The following FRZB variants were observed in gnomAD, a reference collection of about 807,000 sequenced individuals.
FRZB encodes the protein secreted frizzled-related protein 3.
Under a neutral mutation model 32.5 loss-of-function variants are expected in FRZB, and 34 were observed. The observed-to-expected ratio is 1.05, with a 90% CI of 0.80 to 1.39. FRZB has a LOEUF of 1.39. FRZB is among the 40% of genes most tolerant of loss of function. The pLI is 0.00. For synonymous variants in FRZB, 170 were observed against 159.2 expected (o/e 1.07, Z -0.51); for missense variants, 423 against 424.8 (o/e 1.00, Z 0.04).
intron 1 of FRZB, among the ~76,000 whole-genome samples, chr2:182,862,743 T>C (rs188414093): frequency 6.6e-6 from 1 of 151,154 alleles, no homozygotes; most frequent in Non-Finnish European, 1.5e-5. Flanking sequence ...CAATGCTTTA[T>C]ATGCTGTTTA....
rs143588150 is a variant in FRZB at position 182,858,087 on chromosome 2, T to C, written c.526+699A>G. ...ATTGAACAGCCATCTTGGAAACAGT[T>C]TGGCACTTTTTTACAAAGCTAAACA... is the stretch of plus-strand genomic sequence containing the variant. On this transcript the variant is annotated intron_variant, in intron 2 of 5. Transcript: ENST00000295113. 1.9e-4 allele frequency among the ~76,000 whole-genome samples: 29 copies of C among 152,308 alleles called. No homozygotes were observed. The South Asian group carries it at 2.5e-3, about 13-fold the overall frequency.
chr2:182,843,280 C>T (rs1473835942), intron 2 of FRZB, among the ~76,000 whole-genome samples: 1 of 152,246 alleles, frequency 6.6e-6, no homozygotes, highest in South Asian at 2.1e-4. Context: ...ATAATAATAA[C>T]AATTCTAATT....
intron 1 of FRZB, among the ~76,000 whole-genome samples, chr2:182,864,388 A>T (rs1695867563): frequency 6.6e-6 from 1 of 152,188 alleles, no homozygotes; most frequent in South Asian, 2.1e-4. Context: ...AACTGATTCT[A>T]AGTGCCTGGC....
chr2:182,861,743 A>G (rs1695833499), intron 1 of FRZB, among the ~76,000 whole-genome samples: 1 of 152,258 alleles, frequency 6.6e-6, no homozygotes, highest in African/African-American at 2.4e-5. Flanking sequence ...CTAGACACCA[A>G]GTAGAACTAG....
At chr2:182,838,280 C>T (rs1376388107) in intron 4 of FRZB, 129 bp downstream of exon 4, 3 of 807,868 alleles carry the variant, frequency 3.7e-6, no homozygotes, top group Non-Finnish European at 3.9e-6. Context: ...CCAACTAAAA[C>T]TTATCTGTAA....
intron 2 of FRZB, 120 bp downstream of exon 2, chr2:182,858,662 ATTTT>A: frequency 1.6e-6 from 1 of 638,778 alleles, no homozygotes; most frequent in Non-Finnish European, 2.7e-6. Context: ...AAATGAGGGA[ATTTT>A]AAAAAGTTTA....
Position 182,834,625 on chromosome 2 carries a change from A to G in FRZB, c.*224T>C. ...TTTCTCATGATTAGTGAAATAGAAAACTCACAATATACTTAAGAGTCTGCC... is the reference window on the plus strand; with the variant it reads ...TTTCTCATGATTAGTGAAATAGAAAGCTCACAATATACTTAAGAGTCTGCC... On this transcript the variant is annotated 3_prime_UTR_variant, in exon 6 of 6. Transcript: ENST00000295113. 1 of 503,462 alleles carries G rather than the reference A, an allele frequency of 2.0e-6. No homozygotes were observed. The highest frequency in any genetic ancestry group is 3.5e-6 in the Non-Finnish European group (1 of 281,700). 31.2% of individuals were successfully genotyped at this position (503,462 alleles called of 1,614,324 possible). A position where few individuals can be genotyped will look rare whatever the true frequency, so the allele number is the denominator to read the frequency against.
intron 1 of FRZB, among the ~76,000 whole-genome samples, chr2:182,863,984 CACTA>C (rs1695862071): frequency 6.6e-6 from 1 of 152,192 alleles, no homozygotes; most frequent in Admixed American, 6.5e-5. Flanking sequence ...GGGATGCCAT[CACTA>C]ACTATGATTC....
At chr2:182,860,991 C>T (rs1480064863) in intron 1 of FRZB, among the ~76,000 whole-genome samples, 1 of 151,996 alleles carries the variant, frequency 6.6e-6, no homozygotes. Context: ...TGAGTTCACG[C>T]TGGGGCATGC....
At chr2:182,846,445 A>G (rs1695641558) in intron 2 of FRZB, among the ~76,000 whole-genome samples, 1 of 152,228 alleles carries the variant, frequency 6.6e-6, no homozygotes, top group Non-Finnish European at 1.5e-5. Context: ...TTTCTAGGAA[A>G]AAAAGCCTCA....
At chr2:182,852,542 T>C (rs958156149) in intron 2 of FRZB, among the ~76,000 whole-genome samples, 2 of 152,228 alleles carry the variant, frequency 1.3e-5, no homozygotes, top group African/African-American at 2.4e-5. Flanking sequence ...TTACCAACTC[T>C]ATCTCCGCTC....
At chr2:182,863,149 G>C (rs1235760255) in intron 1 of FRZB, among the ~76,000 whole-genome samples, 2 of 152,212 alleles carry the variant, frequency 1.3e-5, no homozygotes, top group South Asian at 4.1e-4. Context: ...GAATTACAGA[G>C]GTCATATAAT....
intron 3 of FRZB, 80 bp from the exon 4 acceptor site, chr2:182,838,693 C>T: frequency 8.9e-7 from 1 of 1,124,164 alleles, no homozygotes; most frequent in Non-Finnish European, 1.3e-6. Context: ...AAGTAGGCTT[C>T]TCTTTAGTTA....
chr2:182,841,799 G>A (rs1045138386), intron 3 of FRZB, among the ~76,000 whole-genome samples: 5 of 152,010 alleles, frequency 3.3e-5, no homozygotes, highest in Non-Finnish European at 4.4e-5. Context: ...ATATCTCATG[G>A]GGCAGCTGAG....
chr2:182,858,502 G>A (rs1219701470), intron 2 of FRZB, among the ~76,000 whole-genome samples: 2 of 152,120 alleles, frequency 1.3e-5, no homozygotes, highest in Non-Finnish European at 2.9e-5. Context: ...GCTTGAAGGA[G>A]TTTTGGGAGG....
intron 3 of FRZB, among the ~76,000 whole-genome samples, chr2:182,839,984 C>G (rs1695569876): frequency 6.6e-6 from 1 of 152,008 alleles, no homozygotes; most frequent in Non-Finnish European, 1.5e-5. Flanking sequence ...CATTAATGTT[C>G]CAATTTCGTC....
chr2:182,849,591 C>T (rs1420495030), intron 2 of FRZB, among the ~76,000 whole-genome samples: 3 of 152,016 alleles, frequency 2.0e-5, no homozygotes, highest in South Asian at 2.1e-4. Flanking sequence ...GACTGGTGAA[C>T]CTAGGCGATA....
At position 182,866,337 on chromosome 2, in the gene FRZB, G is replaced by A. The variant is rs1283442467; in HGVS notation, c.216C>T (p.Phe72=). 6 of 1,614,080 alleles carry A rather than the reference G, an allele frequency of 3.7e-6. No individual in the cohort carries two copies. Among genetic ancestry groups the A allele is most frequent in the Non-Finnish European group, 4.2e-6 (5 of 1,180,022 alleles). The change falls in exon 1 of 6, where the codon TTC becomes TTT. Residue 72 remains phenylalanine, a synonymous_variant. Coordinates refer to ENST00000295113, the MANE Select transcript of FRZB (RefSeq NM_001463.4). This position sits in a 1 kb window ranked among gnomAD's most constrained non-coding sequence, Gnocchi z 4.5. The stretch of plus-strand genomic sequence containing the variant: ...TGCAGTGGGTGCCCAGCAGACCTTC[G>A]AACTGCTCGATGGCCAGGATGGCGT... The part of the protein sequence containing the change: ...QANAILAIEQ[F]EGLLGTHCSP...
chr2:182,854,662 C>T (rs1487967318), intron 2 of FRZB, among the ~76,000 whole-genome samples: 2 of 152,214 alleles, frequency 1.3e-5, no homozygotes, highest in African/African-American at 2.4e-5. Context: ...GAGCCCAAAA[C>T]TTTGATGAAG....
Sources: gnomAD v4.1 joint callset for allele counts (sites outside exome capture counted in the v4.1 genomes callset) on GRCh38, gnomAD v4.1.1 for gene constraint, Gnocchi (gnomAD v3.1) non-coding constraint, MANE v1.5 for transcripts, NCBI Gene and HGNC (gene_info 2026-07-23, HGNC 2026-07-21) for gene names.